Variants in GAD2 observed in about 807,000 individuals in gnomAD.
GAD2 encodes glutamate decarboxylase 2, also known as 65 kDa glutamic acid decarboxylase.
In GAD2, 22 loss-of-function variants were observed where a neutral mutation model predicts 80.1. The observed-to-expected ratio is 0.27, with a 90% confidence interval of 0.20 to 0.39. GAD2 has a LOEUF of 0.39. Among genes scored for constraint, GAD2 ranks in the 10% least tolerant of loss-of-function variants. The probability of loss-of-function intolerance (pLI) is 1.00; values close to 1 mark genes in which losing one functional copy is unlikely to be tolerated. For missense variants in GAD2, 624 were observed against 738.4 expected (o/e 0.85, Z 1.80); for synonymous variants, 274 against 256.9 (o/e 1.07, Z -0.64).
In GAD2 at chr10:26,216,843, G is replaced by A; in HGVS notation, c.34G>A (p.Gly12Arg). 1.2e-6 allele frequency: 2 copies of A among 1,612,594 alleles called. No homozygotes were observed. Among genetic ancestry groups the A allele is most frequent in the East Asian group, 2.2e-5 (1 of 44,736 alleles). The change falls in exon 1 of 16, where the codon GGG (glycine) becomes AGG (arginine). Residue 12 changes from glycine (G) to arginine (R), a missense_variant. Transcript: ENST00000376261. The surrounding 1 kb of genome is among the most constrained non-coding windows in gnomAD (Gnocchi z 4.7). ...TCCGGGCTCTGGCTTTTGGTCTTTC[G>A]GGTCGGAAGATGGCTCTGGGGATTC... The part of the protein sequence containing the change: ...ASPGSGFWSF[G>R]SEDGSGDSEN...
chr10:26,217,882 C>G lies in GAD2; in HGVS notation c.177C>G (p.Gly59=). The change falls in exon 3 of 16, where the codon GGC becomes GGG. Residue 59 remains glycine, a synonymous_variant. Transcript: ENST00000376261. The surrounding 1 kb of genome is among the most constrained non-coding windows in gnomAD (Gnocchi z 4.9). ...ACGCCGAGAAGCCGGCGGAGAGCGGCGGGAGCCAACCCCCGCGGGCCGCCG... is the reference window on the plus strand; with the variant it reads ...ACGCCGAGAAGCCGGCGGAGAGCGGGGGGAGCCAACCCCCGCGGGCCGCCG... ...YGDAEKPAES[G]GSQPPRAAAR... The G allele has an allele frequency of 6.2e-7, 1 of 1,606,468 alleles. No individual in the cohort carries two copies. The highest frequency in any genetic ancestry group is 1.1e-5 in the South Asian group (1 of 90,690).
chr10:26,252,793 G>A (rs1844895196), intron 8 of GAD2, among the ~76,000 whole-genome samples: 1 of 151,968 alleles, frequency 6.6e-6, no homozygotes, highest in Non-Finnish European at 1.5e-5. Flanking sequence ...CAAGTAGCTG[G>A]GATTACAGGC....
intron 8 of GAD2, among the ~76,000 whole-genome samples, chr10:26,247,212 C>A (rs1302603750): frequency 6.6e-6 from 1 of 152,098 alleles, no homozygotes; most frequent in Non-Finnish European, 1.5e-5. Context: ...CTTTTTAGAC[C>A]ATATAGAGTA....
intron 9 of GAD2, among the ~76,000 whole-genome samples, chr10:26,270,135 G>A (rs902914774): frequency 1.5e-4 from 23 of 152,166 alleles, no homozygotes; most frequent in African/African-American, 4.8e-4. Context: ...AAGTCATGGC[G>A]TATTATTTTA....
chr10:26,263,553 A>G (rs1405511627), intron 8 of GAD2, among the ~76,000 whole-genome samples: 2 of 152,208 alleles, frequency 1.3e-5, no homozygotes, highest in South Asian at 2.1e-4. Context: ...TTCATCTTCA[A>G]CAATTTTTTC....
At chr10:26,243,351 T>C (rs1305960851) in intron 7 of GAD2, among the ~76,000 whole-genome samples, 1 of 152,220 alleles carries the variant, frequency 6.6e-6, no homozygotes, top group Admixed American at 6.5e-5. Context: ...TGTTTGAGAA[T>C]TCAGAAGAGT....
chr10:26,217,043 C>T lies in GAD2; in HGVS notation c.76+158C>T, dbSNP rs1014102801. Among the ~76,000 whole-genome samples, 1 of 152,072 alleles carries T rather than the reference C, an allele frequency of 6.6e-6. No individual in the cohort carries two copies. The highest frequency in any genetic ancestry group is 2.1e-4 in the South Asian group (1 of 4,826). ...GGCTAAGTCCTTGACGGCCCAAGAG[C>T]TCAAGACCTCTACAGCCTCTTGTAC... On this transcript the variant is annotated intron_variant, in intron 1 of 15. Transcript: ENST00000376261. The surrounding 1 kb of genome is among the most constrained non-coding windows in gnomAD (Gnocchi z 4.9).
At chr10:26,273,507 G>A in intron 10 of GAD2, 129 bp from the exon 11 acceptor site, 1 of 730,288 alleles carries the variant, frequency 1.4e-6, no homozygotes, top group East Asian at 2.7e-5. Flanking sequence ...GAAGGTTAGT[G>A]CCAGAAGGAG....
intron 13 of GAD2, among the ~76,000 whole-genome samples, chr10:26,290,677 C>T (rs1834205078): frequency 6.6e-6 from 1 of 152,138 alleles, no homozygotes; most frequent in Admixed American, 6.5e-5. Context: ...AAAAGCATTT[C>T]AAGAAGTGGA....
chr10:26,262,843 C>T (rs1333287857), intron 8 of GAD2, among the ~76,000 whole-genome samples: 2 of 148,322 alleles, frequency 1.3e-5, no homozygotes, highest in Non-Finnish European at 3.0e-5. Context: ...AACCTTTTAT[C>T]ATAATCCTTT....
chr10:26,255,804 C>T (rs1166889914), intron 8 of GAD2, among the ~76,000 whole-genome samples: 2 of 152,164 alleles, frequency 1.3e-5, no homozygotes, highest in East Asian at 3.9e-4. Context: ...CCCTGAGAAG[C>T]TCACACAAAC....
chr10:26,230,933 C>CA (rs1359724672), intron 7 of GAD2, among the ~76,000 whole-genome samples: 3 of 151,802 alleles, frequency 2.0e-5, no homozygotes, highest in South Asian at 2.1e-4. Flanking sequence ...ACTAAAAATA[C>CA]AAAAAAATTA....
At chr10:26,248,192 A>T (rs1003709961) in intron 8 of GAD2, among the ~76,000 whole-genome samples, 23 of 152,216 alleles carry the variant, frequency 1.5e-4, no homozygotes, top group Admixed American at 1.5e-3. Context: ...AAATCAATAC[A>T]TGGTGGTTAC....
chr10:26,294,443 G>A (rs779041366), intron 15 of GAD2, among the ~76,000 whole-genome samples: 2 of 152,170 alleles, frequency 1.3e-5, no homozygotes, highest in Non-Finnish European at 2.9e-5. Flanking sequence ...AATTAGAGTA[G>A]TGATTTGCAA....
At chr10:26,286,719 T>C (rs8190771) in intron 13 of GAD2, among the ~76,000 whole-genome samples, 2,420 of 152,358 alleles carry the variant, frequency 0.016, 66 homozygotes, top group African/African-American at 0.054. Context: ...CTCACTCATC[T>C]GGAAAACAAA....
chr10:26,257,403 A>G (rs1844957097), intron 8 of GAD2, among the ~76,000 whole-genome samples: 1 of 152,178 alleles, frequency 6.6e-6, no homozygotes, highest in South Asian at 2.1e-4. Context: ...AATATGCTCT[A>G]GCACCTTCTT....
intron 12 of GAD2, among the ~76,000 whole-genome samples, chr10:26,284,921 A>G (rs1436736505): frequency 6.6e-6 from 1 of 152,090 alleles, no homozygotes; most frequent in Non-Finnish European, 1.5e-5. Context: ...TTATCACAGT[A>G]GGAATAGGTC....
At position 26,270,753 on chromosome 10, in the gene GAD2, G is replaced by A; in HGVS notation, c.1089G>A (p.Val363=). Residue 363 remains valine, a synonymous_variant, in exon 10 of 16, where the codon GTG becomes GTA. Coordinates refer to ENST00000376261, the MANE Select transcript of GAD2 (RefSeq NM_001134366.2). The part of the protein sequence containing the change: ...ICKKYKIWMH[V]DAAWGGGLLM... ...AAAAGTATAAGATCTGGATGCATGT[G>A]GATGTAAGTATCCCTTAGGGACTGG... 1 of 1,592,184 alleles carries A rather than the reference G, an allele frequency of 6.3e-7. No individual in the cohort carries two copies. Among genetic ancestry groups the A allele is most frequent in the Non-Finnish European group, 8.6e-7 (1 of 1,159,932 alleles).
At chr10:26,284,478 A>G (rs117464291) in intron 12 of GAD2, among the ~76,000 whole-genome samples, 5,781 of 148,954 alleles carry the variant, frequency 0.039, 136 homozygotes, top group Admixed American at 0.056. Flanking sequence ...CAGAACCAGG[A>G]TATCATCTCA....
Sources: allele counts gnomAD v4.1 joint callset (sites outside exome capture counted in the v4.1 genomes callset), GRCh38; gene constraint gnomAD v4.1.1; non-coding constraint Gnocchi (gnomAD v3.1); transcripts MANE v1.5; gene names NCBI Gene and HGNC (gene_info 2026-07-23, HGNC 2026-07-21).